LMNTD1: variants seen among roughly 807,000 people sequenced by gnomAD.
LMNTD1 encodes lamin tail domain containing 1.
In LMNTD1, 35 loss-of-function variants were observed where a neutral mutation model predicts 50.9. That is an observed-to-expected ratio of 0.69 (90% CI 0.53 to 0.91). LMNTD1 has a LOEUF of 0.91. LMNTD1 is among the 40% of genes least tolerant of loss of function. The pLI is 0.00. For missense variants in LMNTD1, 470 were observed against 475.5 expected (o/e 0.99, Z 0.11); for synonymous variants, 153 against 161.9 (o/e 0.94, Z 0.42).
rs1168754856 is a variant in LMNTD1, at chr12:25,584,427, T to C, written c.59-37873A>G. Among the ~76,000 whole-genome samples the C allele has an allele frequency of 4.6e-5, 7 of 152,148 alleles. No homozygotes were observed. In the East Asian group the frequency reaches 1.2e-3, roughly 25 times the overall value. ...CATCAGCTCCTACACATACCTTTAG[T>C]TTTTGGTCAGCAAAAGTCCTATATG... On this transcript the variant is annotated intron_variant, in intron 1 of 7. Transcript: ENST00000445693.
chr12:25,549,867 GCTTTTAAATGTA>G (rs1302941537), intron 2 of LMNTD1, among the ~76,000 whole-genome samples: 2 of 151,914 alleles, frequency 1.3e-5, no homozygotes, highest in Non-Finnish European at 2.9e-5. Flanking sequence ...CTCCTTCCAG[GCTTTTAAATGTA>G]CTTTTTACTC....
At chr12:25,629,636 T>C (rs1314257234) in intron 1 of LMNTD1, among the ~76,000 whole-genome samples, 4 of 152,154 alleles carry the variant, frequency 2.6e-5, no homozygotes, top group Middle Eastern at 3.2e-3. Flanking sequence ...TATCTCTCTC[T>C]AAGGGGATTG....
chr12:25,539,851 G>A (rs920055725), intron 4 of LMNTD1, among the ~76,000 whole-genome samples: 3 of 149,780 alleles, frequency 2.0e-5, no homozygotes, highest in Non-Finnish European at 4.4e-5. Context: ...GAAAAAAAGA[G>A]AGAAGAATCA....
intron 8 of LMNTD1, among the ~76,000 whole-genome samples, chr12:25,512,612 AAGG>A (rs992678200): frequency 1.3e-5 from 2 of 152,126 alleles, no homozygotes; most frequent in Non-Finnish European, 2.9e-5. Flanking sequence ...TGGAATTTAT[AAGG>A]AGGTGAAAAT....
chr12:25,521,647 T>C (rs752699924), intron 6 of LMNTD1, among the ~76,000 whole-genome samples: 1 of 152,180 alleles, frequency 6.6e-6, no homozygotes, highest in Non-Finnish European at 1.5e-5. Context: ...GTAAAATTCA[T>C]CCAGCTATTG....
At chr12:25,508,562 C>T (rs1437209008) in intron 8 of LMNTD1, among the ~76,000 whole-genome samples, 1 of 152,118 alleles carries the variant, frequency 6.6e-6, no homozygotes, top group Non-Finnish European at 1.5e-5. Context: ...TTCTTGGCTA[C>T]TACAAATACA....
intron 1 of LMNTD1, among the ~76,000 whole-genome samples, chr12:25,621,167 CAT>C (rs1490111818): frequency 6.6e-6 from 1 of 152,188 alleles, no homozygotes; most frequent in African/African-American, 2.4e-5. Context: ...AGAGTTAACA[CAT>C]GTTAACTAAT....
intron 1 of LMNTD1, among the ~76,000 whole-genome samples, chr12:25,616,063 T>C (rs1172288978): frequency 2.0e-5 from 3 of 150,594 alleles, no homozygotes; most frequent in Admixed American, 6.7e-5. Flanking sequence ...AGACAGACTA[T>C]ACCTCACCCT....
At chr12:25,572,157 A>T (rs570552858) in intron 1 of LMNTD1, among the ~76,000 whole-genome samples, 1 of 152,326 alleles carries the variant, frequency 6.6e-6, no homozygotes, top group East Asian at 1.9e-4. Flanking sequence ...TAAAATGGGG[A>T]TAGAAAGAGC....
At chr12:25,641,960 C>A (rs1270362519) in intron 1 of LMNTD1, among the ~76,000 whole-genome samples, 6 of 151,956 alleles carry the variant, frequency 3.9e-5, no homozygotes, top group South Asian at 2.1e-4. Flanking sequence ...TATACTAAAC[C>A]AAATTTGCGA....
At chr12:25,527,028 T>C (rs755217462) in intron 4 of LMNTD1, 73 bp from the exon 5 acceptor site, 5 of 1,020,440 alleles carry the variant, frequency 4.9e-6, no homozygotes, top group Non-Finnish European at 7.1e-6. Context: ...AAGAAGTGAT[T>C]AATAAACTGC....
intron 1 of LMNTD1, among the ~76,000 whole-genome samples, chr12:25,607,837 A>G (rs1946148942): frequency 6.6e-6 from 1 of 152,188 alleles, no homozygotes; most frequent in South Asian, 2.1e-4. Flanking sequence ...AGTTCTGTAG[A>G]TGTCTATTAG....
chr12:25,617,400 G>A (rs1290678174), intron 1 of LMNTD1, among the ~76,000 whole-genome samples: 2 of 152,144 alleles, frequency 1.3e-5, no homozygotes, highest in African/African-American at 2.4e-5. Flanking sequence ...TATAAGGCAG[G>A]TGTCTACTGT....
chr12:25,562,039 T>C (rs539524781), intron 1 of LMNTD1, among the ~76,000 whole-genome samples: 2 of 152,198 alleles, frequency 1.3e-5, no homozygotes, highest in Non-Finnish European at 2.9e-5. Flanking sequence ...TCTCTGCACA[T>C]GAGATGGGTC....
At chr12:25,537,665 C>A in intron 4 of LMNTD1, among the ~76,000 whole-genome samples, 1 of 151,978 alleles carries the variant, frequency 6.6e-6, no homozygotes, top group East Asian at 1.9e-4. Flanking sequence ...AATCAGAGCG[C>A]CTCTCCTCCT....
At chr12:25,520,746 G>A (rs562161213) in intron 6 of LMNTD1, among the ~76,000 whole-genome samples, 1 of 152,138 alleles carries the variant, frequency 6.6e-6, no homozygotes, top group Non-Finnish European at 1.5e-5. Flanking sequence ...TTGTATGGTA[G>A]CTCTACTTTT....
chr12:25,559,721 T>G (rs1316717813), intron 1 of LMNTD1, among the ~76,000 whole-genome samples: 1 of 152,216 alleles, frequency 6.6e-6, no homozygotes, highest in East Asian at 1.9e-4. Flanking sequence ...TTTCCTGACT[T>G]TTTAATGATC....
chr12:25,523,901 T>C (rs961722039), intron 6 of LMNTD1, among the ~76,000 whole-genome samples: 51 of 151,154 alleles, frequency 3.4e-4, no homozygotes, highest in African/African-American at 1.2e-3. Flanking sequence ...AGAGAGCCTA[T>C]TGAGAGGCAA....
intron 1 of LMNTD1, among the ~76,000 whole-genome samples, chr12:25,575,143 C>T (rs1022410533): frequency 2.0e-5 from 3 of 151,896 alleles, no homozygotes; most frequent in Non-Finnish European, 4.4e-5. Context: ...TATCAGCTAC[C>T]AAGAAAAAAA....
Sources: allele counts gnomAD v4.1 joint callset (sites outside exome capture counted in the v4.1 genomes callset), GRCh38; gene constraint gnomAD v4.1.1; transcripts MANE v1.5; gene names NCBI Gene and HGNC (gene_info 2026-07-23, HGNC 2026-07-21).